The following ENTREP2 variants were observed in gnomAD, a reference collection of about 807,000 sequenced individuals.
ENTREP2 encodes protein ENTREP2.
At chr15:29,501,707 G>A in the ENTREP2 span, among the ~76,000 whole-genome samples, 4 of 152,000 alleles carry the variant, frequency 2.6e-5, no homozygotes, top group Admixed American at 2.6e-4. Context: ...GAAATAAAAT[G>A]CATCCATACT....
chr15:29,526,638 A>ATTT, the ENTREP2 span, among the ~76,000 whole-genome samples: 1 of 146,350 alleles, frequency 6.8e-6, no homozygotes, highest in East Asian at 2.0e-4. Flanking sequence ...CTATAAAAAA[A>ATTT]TTTTTTTTTT....
chr15:29,630,562 T>C, the ENTREP2 span, among the ~76,000 whole-genome samples: 1 of 152,218 alleles, frequency 6.6e-6, no homozygotes, highest in Non-Finnish European at 1.5e-5. Context: ...TTCTGGCGCC[T>C]TTTCAGCTTC....
chr15:29,201,900 C>A, the ENTREP2 span, among the ~76,000 whole-genome samples: 2 of 152,104 alleles, frequency 1.3e-5, no homozygotes, highest in Admixed American at 1.3e-4. Context: ...CCATCTGGAC[C>A]TGGAGATTTT....
At chr15:29,438,829 C>A in the ENTREP2 span, among the ~76,000 whole-genome samples, 1 of 152,116 alleles carries the variant, frequency 6.6e-6, no homozygotes, top group Admixed American at 6.6e-5. Context: ...AAATGCATGC[C>A]ATGAGACAGA....
the ENTREP2 span, among the ~76,000 whole-genome samples, chr15:29,357,788 G>C: frequency 0.15 from 22,167 of 151,626 alleles, 3,115 homozygotes; most frequent in African/African-American, 0.37. Context: ...GCAGTGAGCC[G>C]AGATCGTGCC....
chr15:29,317,818 G>A, the ENTREP2 span, among the ~76,000 whole-genome samples: 7 of 152,194 alleles, frequency 4.6e-5, no homozygotes, highest in East Asian at 3.9e-4. Flanking sequence ...CATCCGACCC[G>A]GGTGGGATGA....
chr15:29,218,499 G>T, the ENTREP2 span, among the ~76,000 whole-genome samples: 3 of 152,132 alleles, frequency 2.0e-5, no homozygotes, highest in South Asian at 4.2e-4. Flanking sequence ...AAAGAGCCCA[G>T]GTAGCCAAAG....
the ENTREP2 span, among the ~76,000 whole-genome samples, chr15:29,444,152 G>C: frequency 6.8e-5 from 7 of 102,982 alleles, 1 homozygote; most frequent in African/African-American, 2.3e-4. Context: ...AAGAAAGACA[G>C]ACAGAAAGAA....
chr15:29,429,113 C>G, the ENTREP2 span, among the ~76,000 whole-genome samples: 1 of 152,128 alleles, frequency 6.6e-6, no homozygotes, highest in African/African-American at 2.4e-5. Flanking sequence ...AGATGTCTAT[C>G]TATCCATCCG....
the ENTREP2 span, among the ~76,000 whole-genome samples, chr15:29,231,914 G>A: frequency 9.6e-5 from 7 of 72,616 alleles, no homozygotes; most frequent in South Asian, 7.4e-4. Flanking sequence ...TTTTTGAGAC[G>A]GAGTCTCACT....
the ENTREP2 span, among the ~76,000 whole-genome samples, chr15:29,239,931 C>T: frequency 6.6e-6 from 1 of 152,124 alleles, no homozygotes; most frequent in Non-Finnish European, 1.5e-5. Flanking sequence ...GACTTTTCCC[C>T]AAAATAAATA....
At chr15:29,569,101 A>T in the ENTREP2 span, among the ~76,000 whole-genome samples, 4 of 152,216 alleles carry the variant, frequency 2.6e-5, no homozygotes, top group Non-Finnish European at 5.9e-5. Context: ...ACTGAGCAAT[A>T]GATGTGTGAA....
the ENTREP2 span, among the ~76,000 whole-genome samples, chr15:29,454,290 T>C: frequency 1.3e-5 from 2 of 152,238 alleles, no homozygotes; most frequent in Non-Finnish European, 2.9e-5. Flanking sequence ...GATGTTAATG[T>C]TTTCTTATTG....
chr15:29,627,228 T>G, the ENTREP2 span, among the ~76,000 whole-genome samples: 1 of 152,108 alleles, frequency 6.6e-6, no homozygotes, highest in African/African-American at 2.4e-5. Flanking sequence ...AAGTATACAA[T>G]TCAGTGGTAT....
At chr15:29,406,821 G>C in the ENTREP2 span, among the ~76,000 whole-genome samples, 1 of 151,908 alleles carries the variant, frequency 6.6e-6, no homozygotes, top group African/African-American at 2.4e-5. Context: ...GCACACACTC[G>C]CTCTCCCTCT....
the ENTREP2 span, among the ~76,000 whole-genome samples, chr15:29,272,742 C>T: frequency 1.3e-5 from 2 of 152,088 alleles, no homozygotes; most frequent in Non-Finnish European, 2.9e-5. Flanking sequence ...TGTGCATATG[C>T]GCAATTGCAC....
chr15:29,285,760 A>G, the ENTREP2 span, among the ~76,000 whole-genome samples: 2 of 152,228 alleles, frequency 1.3e-5, no homozygotes, highest in African/African-American at 4.8e-5. Flanking sequence ...ATTTTGAAAA[A>G]TGAAGATGAA....
At chr15:29,191,288 G>A in the ENTREP2 span, among the ~76,000 whole-genome samples, 1 of 152,130 alleles carries the variant, frequency 6.6e-6, no homozygotes, top group Non-Finnish European at 1.5e-5. Context: ...TATTTAAATA[G>A]AGCATAAGGC....
At chr15:29,252,530 G>GA in the ENTREP2 span, 4 of 1,041,104 alleles carry the variant, frequency 3.8e-6, no homozygotes, top group Non-Finnish European at 5.8e-6. Flanking sequence ...AGGCTCAAAG[G>GA]AAAAATGACA....
Sources: allele counts gnomAD v4.1 joint callset (sites outside exome capture counted in the v4.1 genomes callset), GRCh38; gene constraint gnomAD v4.1.1; transcripts MANE v1.5; gene names NCBI Gene and HGNC (gene_info 2026-07-23, HGNC 2026-07-21).